The following PHF14 variants were observed in gnomAD, a reference collection of about 807,000 sequenced individuals.
PHF14 encodes PHD finger protein 14.
In PHF14, 55 loss-of-function variants were observed where a neutral mutation model predicts 117.9. The observed-to-expected ratio is 0.47, with a 90% CI of 0.38 to 0.58. PHF14 has a LOEUF of 0.58. Among genes scored for constraint, PHF14 ranks in the 20% least tolerant of loss-of-function variants. The probability of loss-of-function intolerance (pLI) is 0.00; values close to 1 mark genes in which losing one functional copy is unlikely to be tolerated. For synonymous variants in PHF14, 409 were observed against 368.6 expected (o/e 1.11, Z -1.26); for missense variants, 978 against 1,122.2 (o/e 0.87, Z 1.84).
intron 3 of PHF14, among the ~76,000 whole-genome samples, chr7:10,984,109 C>T (rs1208178487): frequency 6.6e-6 from 1 of 151,980 alleles, no homozygotes; most frequent in Non-Finnish European, 1.5e-5. Flanking sequence ...TATTTTTTTC[C>T]ATATCACTGA....
intron 17 of PHF14, among the ~76,000 whole-genome samples, chr7:11,157,015 C>T (rs1788880121): frequency 6.6e-6 from 1 of 151,948 alleles, no homozygotes; most frequent in Non-Finnish European, 1.5e-5. Flanking sequence ...AAATAGTGTC[C>T]TTATATGTTG....
At chr7:11,043,434 A>T (rs1246327202) in intron 13 of PHF14, among the ~76,000 whole-genome samples, 2 of 152,094 alleles carry the variant, frequency 1.3e-5, no homozygotes, top group Non-Finnish European at 2.9e-5. Flanking sequence ...TAGGAAGGAG[A>T]ATATAGGAAA....
At position 10,974,860 on chromosome 7, in the gene PHF14, G is replaced by A; in HGVS notation, c.27G>A (p.Gln9=). Residue 9 remains glutamine (Q), a synonymous_variant, in exon 2 of 18, where the codon CAG becomes CAA. Transcript: ENST00000634607. ...TGGATCGCAGCTCCAAGAGGAGGCA[G>A]GTGAAGCCTTTGGCAGCTTCTCTGC... MDRSSKRR[Q]VKPLAASLLE... 6.3e-7 allele frequency: 1 copy of A among 1,588,496 alleles called. No individual in the cohort carries two copies. The highest frequency in any genetic ancestry group is 1.2e-5 in the South Asian group (1 of 86,774).
chr7:11,099,979 T>C (rs1787027141), intron 16 of PHF14, among the ~76,000 whole-genome samples: 1 of 152,118 alleles, frequency 6.6e-6, no homozygotes. Context: ...ACAATTTCTC[T>C]AAATGAGCTG....
intron 17 of PHF14, among the ~76,000 whole-genome samples, chr7:11,123,540 G>A (rs1387924743): frequency 1.3e-5 from 2 of 152,142 alleles, no homozygotes; most frequent in Non-Finnish European, 2.9e-5. Context: ...CCAGTGCTTT[G>A]GGAGGCCGAG....
chr7:11,149,645 A>C (rs969224263), intron 17 of PHF14, among the ~76,000 whole-genome samples: 1 of 152,150 alleles, frequency 6.6e-6, no homozygotes, highest in Non-Finnish European at 1.5e-5. Flanking sequence ...ATTCCTTTTA[A>C]TCAGTCTTGA....
chr7:11,036,822 T>C, intron 9 of PHF14, 134 bp downstream of exon 9: 1 of 991,164 alleles, frequency 1.0e-6, no homozygotes. Context: ...ATTTTCCTAA[T>C]ATGTTGTGGG....
chr7:11,124,891 T>C (rs1359627285), intron 17 of PHF14, among the ~76,000 whole-genome samples: 1 of 152,144 alleles, frequency 6.6e-6, no homozygotes. Context: ...AAAAATATTA[T>C]TAAGTGGGAT....
chr7:11,147,335 T>C (rs1349559560), intron 17 of PHF14, among the ~76,000 whole-genome samples: 1 of 152,210 alleles, frequency 6.6e-6, no homozygotes, highest in Non-Finnish European at 1.5e-5. Flanking sequence ...TGTGATTCTT[T>C]TGGTCTTTCC....
At chr7:11,063,815 A>G (rs1175527096) in intron 16 of PHF14, 2 of 327,676 alleles carry the variant, frequency 6.1e-6, no homozygotes, top group Non-Finnish European at 8.7e-6. Context: ...AGATTTTTGA[A>G]TAGTATTACT....
At position 11,042,773 on chromosome 7, in the gene PHF14, T is replaced by A; in HGVS notation, c.2271T>A (p.Pro757=). Residue 757 remains proline (P), a synonymous_variant, in exon 13 of 18, where the codon CCT becomes CCA. Transcript: ENST00000634607. The part of the protein sequence containing the change: ...KLHYHLGCLD[P]PLTRMPRKTK... ...ATTACCATCTTGGATGTCTGGATCC[T>A]CCTCTTACAAGGATGCCAAGAAAGA... 6.3e-7 allele frequency: 1 copy of A among 1,588,502 alleles called. No individual in the cohort carries two copies. The highest frequency in any genetic ancestry group is 8.6e-7 in the Non-Finnish European group (1 of 1,164,288).
chr7:11,148,047 TGTTTA>T (rs2128353081), intron 17 of PHF14, among the ~76,000 whole-genome samples: 1 of 152,302 alleles, frequency 6.6e-6, no homozygotes, highest in South Asian at 2.1e-4. Context: ...TACTTTCTTT[TGTTTA>T]ATTCCAAAGC....
intron 17 of PHF14, among the ~76,000 whole-genome samples, chr7:11,126,776 A>G (rs1348961787): frequency 1.4e-5 from 2 of 140,546 alleles, no homozygotes; most frequent in African/African-American, 5.4e-5. Flanking sequence ...CAATAGGATG[A>G]AAAAAAAAAA....
chr7:11,103,939 G>C (rs1045978835), intron 16 of PHF14: 1 of 982,650 alleles, frequency 1.0e-6, no homozygotes, highest in Non-Finnish European at 1.2e-6. Flanking sequence ...GAATAAGATA[G>C]GACTAGTTGT....
chr7:11,128,696 C>G (rs1010514848), intron 17 of PHF14, among the ~76,000 whole-genome samples: 3 of 151,638 alleles, frequency 2.0e-5, no homozygotes, highest in African/African-American at 7.3e-5. Flanking sequence ...CAGTCTCTCT[C>G]TCTCCCCCCG....
intron 13 of PHF14, among the ~76,000 whole-genome samples, chr7:11,043,752 T>C (rs996785577): frequency 5.3e-5 from 8 of 152,284 alleles, no homozygotes; most frequent in African/African-American, 1.9e-4. Flanking sequence ...AATGTATTTA[T>C]TATGGTTTTT....
Position 11,106,431 on chromosome 7 carries a change from A to G in PHF14, c.2655-4919A>G, listed in dbSNP as rs1002318307. 9.4e-6 allele frequency: 9 copies of G among 953,236 alleles called. No homozygotes were observed. The African/African-American group carries it at 1.6e-4, about 17-fold the overall frequency. The allele number at this position is 953,236 out of a possible 1,614,324, so 59.0% of individuals were successfully genotyped here. ...CATTTTCTAATTATTTTGTATAGAAACTGCTCATGTAGGTAATTTGCACTA... is the reference window on the plus strand; with the variant it reads ...CATTTTCTAATTATTTTGTATAGAAGCTGCTCATGTAGGTAATTTGCACTA... On this transcript the variant is annotated intron_variant, in intron 16 of 17. Transcript: ENST00000634607.
chr7:10,990,990 T>C lies in PHF14; in HGVS notation c.1045+143T>C. 4 of 583,586 alleles carry C rather than the reference T, an allele frequency of 6.9e-6. No individual in the cohort carries two copies. The South Asian group carries it at 1.2e-4, about 17-fold the overall frequency. 36.2% of individuals were successfully genotyped at this position (583,586 alleles called of 1,614,324 possible). A position where few individuals can be genotyped will look rare whatever the true frequency, so the allele number is the denominator to read the frequency against. On this transcript the variant is annotated intron_variant, in intron 4 of 17. Transcript: ENST00000634607. Reference sequence around the variant, plus strand: ...CAAAGTATGGATGCTATTTTTCAGGTTATCTTTTCTTTTATTTTGAGATGG... The same window carrying C: ...CAAAGTATGGATGCTATTTTTCAGGCTATCTTTTCTTTTATTTTGAGATGG...
chr7:11,061,888 T>G, intron 15 of PHF14, 47 bp downstream of exon 15: 3 of 1,519,706 alleles, frequency 2.0e-6, no homozygotes, highest in Non-Finnish European at 2.6e-6. Flanking sequence ...TTTGAGAAAT[T>G]TTCTTGCTTA....
Sources: allele counts gnomAD v4.1 joint callset (sites outside exome capture counted in the v4.1 genomes callset), GRCh38; gene constraint gnomAD v4.1.1; transcripts MANE v1.5; gene names NCBI Gene and HGNC (gene_info 2026-07-23, HGNC 2026-07-21).